Variants in RNF121 observed in about 807,000 individuals in gnomAD.
RNF121 encodes E3 ubiquitin ligase RNF121.
In RNF121, 21 loss-of-function variants were observed where a neutral mutation model predicts 46.5. The observed-to-expected ratio is 0.45, with a 90% CI of 0.32 to 0.65. RNF121 has a LOEUF of 0.65. RNF121 is among the 30% of genes least tolerant of loss of function. The probability of loss-of-function intolerance (pLI) is 0.04; values close to 1 mark genes in which losing one functional copy is unlikely to be tolerated. For missense variants in RNF121, 346 were observed against 416.0 expected, an observed-to-expected ratio of 0.83 and a Z score of 1.46; for synonymous variants, 139 against 144.7, an observed-to-expected ratio of 0.96 and a Z score of 0.28.
chr11:71,965,278 A>G (rs1479635620), intron 3 of RNF121, among the ~76,000 whole-genome samples: 1 of 145,834 alleles, frequency 6.9e-6, no homozygotes, highest in Non-Finnish European at 1.5e-5. Flanking sequence ...TTTTTAAGAC[A>G]GGGTCTCTGT....
intron 3 of RNF121, among the ~76,000 whole-genome samples, chr11:71,968,404 A>C (rs1055165876): frequency 3.3e-5 from 5 of 152,046 alleles, no homozygotes; most frequent in African/African-American, 1.2e-4. Context: ...ATTGTTTGCT[A>C]TTCTGTTTGG....
At chr11:71,995,391 T>A (rs1416213769) in intron 7 of RNF121, 59 bp from the exon 8 acceptor site, 2 of 1,357,466 alleles carry the variant, frequency 1.5e-6, no homozygotes, top group Non-Finnish European at 2.1e-6. Context: ...TTTCAAAGAC[T>A]GTCTGGGGCT....
chr11:71,974,339 A>C (rs1051883226), intron 3 of RNF121, among the ~76,000 whole-genome samples: 2 of 152,216 alleles, frequency 1.3e-5, no homozygotes, highest in Non-Finnish European at 2.9e-5. Flanking sequence ...CTTATAGTTT[A>C]GATTTGTTGA....
chr11:71,963,523 G>A (rs2134180527), intron 3 of RNF121, among the ~76,000 whole-genome samples: 1 of 152,278 alleles, frequency 6.6e-6, no homozygotes, highest in African/African-American at 2.4e-5. Context: ...GGAAGGCTGA[G>A]GCAGGAGAAT....
chr11:71,948,889 A>G (rs1451135348), intron 1 of RNF121, among the ~76,000 whole-genome samples: 2 of 152,202 alleles, frequency 1.3e-5, no homozygotes, highest in Non-Finnish European at 2.9e-5. Context: ...AGAATACCAC[A>G]GTATCTGAAC....
At chr11:71,951,570 G>A (rs1194739604) in intron 1 of RNF121, among the ~76,000 whole-genome samples, 1 of 148,636 alleles carries the variant, frequency 6.7e-6, no homozygotes, top group Non-Finnish European at 1.5e-5. Context: ...AGGCTCTAAT[G>A]TACAATGATC....
chr11:71,942,797 T>G (rs1039355749), intron 1 of RNF121, among the ~76,000 whole-genome samples: 2 of 50,090 alleles, frequency 4.0e-5, no homozygotes, highest in East Asian at 4.3e-4. Flanking sequence ...TATAGATATA[T>G]ATATGTACAC....
intron 3 of RNF121, among the ~76,000 whole-genome samples, chr11:71,981,267 G>T (rs1395771302): frequency 6.6e-6 from 1 of 151,900 alleles, no homozygotes; most frequent in East Asian, 1.9e-4. Context: ...AGCCAGGATG[G>T]TCTCAATCTC....
At chr11:71,960,545 T>TG (rs1242801393) in intron 2 of RNF121, among the ~76,000 whole-genome samples, 2 of 152,034 alleles carry the variant, frequency 1.3e-5, no homozygotes, top group African/African-American at 4.8e-5. Flanking sequence ...GCTTGGTTGC[T>TG]GGGGGGTCCG....
At chr11:71,975,833 G>A (rs2134196736) in intron 3 of RNF121, among the ~76,000 whole-genome samples, 1 of 152,272 alleles carries the variant, frequency 6.6e-6, no homozygotes, top group Non-Finnish European at 1.5e-5. Context: ...GATAAGAGTT[G>A]GACCCAGAGA....
rs77110075 is a variant in RNF121 at position 71,934,570 on chromosome 11, T to C, written c.63+5446T>C. Among the ~76,000 whole-genome samples the C allele has an allele frequency of 6.8e-3, 1,033 of 152,378 alleles. 2 individuals are homozygous for C. The highest frequency in any genetic ancestry group is 0.016 in the African/African-American group (650 of 41,594). On this transcript the variant is annotated intron_variant, in intron 1 of 8. Coordinates refer to ENST00000361756, the MANE Select transcript of RNF121 (RefSeq NM_018320.5). ...CCTATAGACATTTAGTAAATGTTCC[T>C]TGTTGCCAGAGATTTTCTTCTCTAG...
At chr11:71,959,375 A>T (rs965547806) in intron 2 of RNF121, among the ~76,000 whole-genome samples, 1 of 152,008 alleles carries the variant, frequency 6.6e-6, no homozygotes, top group African/African-American at 2.4e-5. Context: ...TTTTTGTTAT[A>T]TTTGCTTTAT....
At position 71,950,759 on chromosome 11, in the gene RNF121, TC is replaced by T. The variant is rs1201237938; in HGVS notation, c.64-6464del. Among the ~76,000 whole-genome samples the T allele has an allele frequency of 8.0e-5, 12 of 150,676 alleles. No homozygotes were observed. The East Asian group carries it at 2.5e-3, about 31-fold the overall frequency. The stretch of plus-strand genomic sequence containing the variant: ...GCTCCGCCCCCTGGGTTCACACCAT[TC>T]CCCTGCCTCAGCCTCCCCAGTAGCT... On this transcript the variant is annotated intron_variant, in intron 1 of 8. Coordinates refer to ENST00000361756, the MANE Select transcript of RNF121 (RefSeq NM_018320.5).
intron 5 of RNF121, among the ~76,000 whole-genome samples, chr11:71,987,948 G>T (rs751601971): frequency 9.2e-5 from 14 of 152,306 alleles, no homozygotes; most frequent in South Asian, 2.1e-4. Context: ...CAAGAATGTC[G>T]CAGTCCAGAT....
At chr11:71,929,158 C>T in intron 1 of RNF121, 34 bp downstream of exon 1, 2 of 1,543,688 alleles carry the variant, frequency 1.3e-6, no homozygotes, top group Non-Finnish European at 1.8e-6. Context: ...AGAGACTCAA[C>T]CTGAGACTGA....
In RNF121 at chr11:71,980,449, C is replaced by T. The variant is rs146554696; in HGVS notation, c.244-2312C>T. On this transcript the variant is annotated intron_variant, in intron 3 of 8. Transcript: ENST00000361756. ...GCAACCTCCACCTCCCGGATTCAAG[C>T]GATTCTCCTGCCTCAGCCTCCCAAG... is the stretch of plus-strand genomic sequence containing the variant. Among the ~76,000 whole-genome samples the T allele has an allele frequency of 9.7e-3, 1,470 of 152,244 alleles. 10 individuals are homozygous for T. The highest frequency in any genetic ancestry group is 0.015 in the Non-Finnish European group (1,004 of 68,014).
Position 71,996,772 on chromosome 11 carries a change from C to T in RNF121, c.*457C>T, listed in dbSNP as rs137972494. On this transcript the variant is annotated 3_prime_UTR_variant, in exon 9 of 9. Transcript: ENST00000361756. ...GGTGCACTTAGTATAGAAGAGCTAA[C>T]GTACTCAGGCTTGTGCCACGGGTGA... 3.2e-3 allele frequency: 530 copies of T among 166,116 alleles called. 3 individuals are homozygous for T. The highest frequency in any genetic ancestry group is 0.012 in the African/African-American group (501 of 41,798). The allele number at this position is 166,116 out of a possible 1,614,324, so 10.3% of individuals were successfully genotyped here. A position where few individuals can be genotyped will look rare whatever the true frequency, so the allele number is the denominator to read the frequency against.
intron 3 of RNF121, among the ~76,000 whole-genome samples, chr11:71,972,155 T>C (rs1245388541): frequency 6.6e-6 from 1 of 151,924 alleles, no homozygotes; most frequent in Non-Finnish European, 1.5e-5. Context: ...TGCCAATTAA[T>C]AAAAATACAA....
At chr11:71,964,081 G>A (rs890954037) in intron 3 of RNF121, among the ~76,000 whole-genome samples, 1 of 152,162 alleles carries the variant, frequency 6.6e-6, no homozygotes, top group African/African-American at 2.4e-5. Flanking sequence ...AGATTGGTTT[G>A]ATTCTCTAGA....
Sources: allele counts gnomAD v4.1 joint callset (sites outside exome capture counted in the v4.1 genomes callset), GRCh38; gene constraint gnomAD v4.1.1; transcripts MANE v1.5; gene names NCBI Gene and HGNC (gene_info 2026-07-23, HGNC 2026-07-21).